Variants in USP13 observed in about 807,000 individuals in gnomAD.
The protein encoded by USP13 is ubiquitin carboxyl-terminal hydrolase 13.
In USP13, 68 loss-of-function variants were observed where a neutral mutation model predicts 107.8. The ratio of observed to expected loss-of-function variants is 0.63; its 90% CI spans 0.52 to 0.77. USP13 has a LOEUF of 0.77. Ranked by LOEUF, USP13 falls within the 30% of genes least tolerant of loss-of-function variation. The pLI, the probability that USP13 is intolerant of heterozygous loss-of-function variation, is 0.00. For missense variants in USP13, 945 were observed against 1,093.3 expected, an observed-to-expected ratio of 0.86 and a Z score of 1.91; for synonymous variants, 377 against 389.5, an observed-to-expected ratio of 0.97 and a Z score of 0.38.
At chr3:179,776,083 A>G (rs934844999) in intron 19 of USP13, among the ~76,000 whole-genome samples, 1 of 152,200 alleles carries the variant, frequency 6.6e-6, no homozygotes, top group African/African-American at 2.4e-5. Context: ...ACATTTCAAC[A>G]TGAGATTTGG....
At chr3:179,669,672 C>G (rs1210634827) in intron 1 of USP13, among the ~76,000 whole-genome samples, 1 of 152,060 alleles carries the variant, frequency 6.6e-6, no homozygotes, top group African/African-American at 2.4e-5. Flanking sequence ...TAGCCACTAG[C>G]CATCTTTGGC....
rs896800634 is a variant in USP13, at chr3:179,740,111, A to G, written c.1255-136A>G. 3.1e-5 allele frequency: 39 copies of G among 1,249,278 alleles called. No homozygotes were observed. In the East Asian group the frequency reaches 7.1e-4, roughly 23 times the overall value. 77.4% of individuals were successfully genotyped at this position (1,249,278 alleles called of 1,614,324 possible). ...AAACACCCAGCGAGTATTGGCCACT[A>G]TCATTATTTACCTTCTTTGGGCTGT... On this transcript the variant is annotated intron_variant, in intron 10 of 20. Coordinates refer to ENST00000263966, the MANE Select transcript of USP13 (RefSeq NM_003940.3).
At chr3:179,719,697 A>G (rs1576949982) in intron 6 of USP13, among the ~76,000 whole-genome samples, 1 of 152,220 alleles carries the variant, frequency 6.6e-6, no homozygotes, top group African/African-American at 2.4e-5. Flanking sequence ...TTCTTGTTTT[A>G]GAAAACTTAA....
chr3:179,669,487 A>AT (rs1720682559), intron 1 of USP13, among the ~76,000 whole-genome samples: 3 of 151,906 alleles, frequency 2.0e-5, no homozygotes, highest in Non-Finnish European at 2.9e-5. Context: ...AAATAAATAA[A>AT]AAAAATAATA....
intron 1 of USP13, among the ~76,000 whole-genome samples, chr3:179,674,643 C>T (rs571800257): frequency 2.0e-5 from 3 of 151,544 alleles, no homozygotes; most frequent in South Asian, 2.1e-4. Flanking sequence ...ATTCTTCTCT[C>T]GGGCCTGTAC....
chr3:179,773,878 T>C (rs1252508564), intron 19 of USP13, among the ~76,000 whole-genome samples: 1 of 152,220 alleles, frequency 6.6e-6, no homozygotes, highest in African/African-American at 2.4e-5. Flanking sequence ...TTTTTGTATC[T>C]TTACTAGATA....
intron 19 of USP13, among the ~76,000 whole-genome samples, chr3:179,774,562 G>A (rs568665009): frequency 6.7e-6 from 1 of 148,882 alleles, no homozygotes; most frequent in Non-Finnish European, 1.5e-5. Context: ...TCCTCCCTGT[G>A]GGTTTGTGGT....
chr3:179,688,059 T>G (rs1156937160), intron 2 of USP13, among the ~76,000 whole-genome samples: 1 of 147,672 alleles, frequency 6.8e-6, no homozygotes, highest in Non-Finnish European at 1.5e-5. Flanking sequence ...CTTACCTGTT[T>G]TACTCCCTGT....
At chr3:179,673,919 T>G (rs971783162) in intron 1 of USP13, among the ~76,000 whole-genome samples, 35 of 152,084 alleles carry the variant, frequency 2.3e-4, no homozygotes, top group Admixed American at 1.4e-3. Context: ...TGAGACGGAG[T>G]TTCGCTCTTG....
At chr3:179,757,616 T>A (rs1368085238) in intron 16 of USP13, among the ~76,000 whole-genome samples, 1 of 152,088 alleles carries the variant, frequency 6.6e-6, no homozygotes, top group Non-Finnish European at 1.5e-5. Context: ...ACAAAGAACA[T>A]AAAAAATAAA....
intron 1 of USP13, among the ~76,000 whole-genome samples, chr3:179,675,288 C>T (rs570698021): frequency 1.8e-4 from 28 of 151,756 alleles, no homozygotes; most frequent in Non-Finnish European, 3.7e-4. Flanking sequence ...TTTCTTGGAT[C>T]TATTTGGACT....
intron 1 of USP13, among the ~76,000 whole-genome samples, chr3:179,665,156 T>TA (rs1373531051): frequency 2.0e-4 from 31 of 152,190 alleles, no homozygotes; most frequent in Non-Finnish European, 1.5e-5. Flanking sequence ...AATACTGACT[T>TA]ATGGCTTCCT....
chr3:179,756,076 C>T (rs886364718), intron 15 of USP13, among the ~76,000 whole-genome samples: 7 of 152,244 alleles, frequency 4.6e-5, no homozygotes, highest in Admixed American at 1.3e-4. Flanking sequence ...ACTGCTCCAG[C>T]TCTCTCTGAT....
intron 1 of USP13, 102 bp from the exon 2 acceptor site, chr3:179,681,776 A>G: frequency 1.4e-6 from 2 of 1,460,836 alleles, no homozygotes; most frequent in South Asian, 1.4e-5. Context: ...GCCCTTTGCC[A>G]GGCCTCGTCT....
chr3:179,781,217 G>A (rs12494578), intron 19 of USP13, among the ~76,000 whole-genome samples: 7,066 of 152,250 alleles, frequency 0.046, 533 homozygotes, highest in African/African-American at 0.16. Context: ...CTTGCACAAA[G>A]CATTATCCTT....
Position 179,707,000 on chromosome 3 carries a change from T to C in USP13, c.544T>C (p.Trp182Arg), listed in dbSNP as rs141550831. 5.7e-4 allele frequency: 922 copies of C among 1,613,988 alleles called. 1 individual carries two copies. Among genetic ancestry groups the C allele is most frequent in the Non-Finnish European group, 7.5e-4 (885 of 1,180,026 alleles). Reference protein sequence around the residue: ...SPYRKQDPDTWENELPVSKYA... With the variant: ...SPYRKQDPDTRENELPVSKYA... The stretch of plus-strand genomic sequence containing the variant: ...ATACAGAAAGCAGGACCCAGACACG[T>C]GGGAAAATGAATTGCCAGTATCTAA... Residue 182 changes from tryptophan to arginine, a missense_variant, in exon 5 of 21, where the codon TGG (tryptophan) becomes CGG (arginine). Trp to Arg is a moderately radical substitution (Grantham distance 101). Coordinates refer to ENST00000263966, the MANE Select transcript of USP13 (RefSeq NM_003940.3).
chr3:179,782,531 C>T lies in USP13; in HGVS notation c.2498+708C>T, dbSNP rs117611234. On this transcript the variant is annotated intron_variant, in intron 20 of 20. Transcript: ENST00000263966. ...CCTACAGGACCTACTGGTGCCCTTC[C>T]TGCAACTCCAAACTGAGTAGCCTGT... Among the ~76,000 whole-genome samples the T allele has an allele frequency of 9.3e-4, 142 of 152,252 alleles. 1 individual carries two copies. In the East Asian group the frequency reaches 0.027, roughly 29 times the overall value.
intron 16 of USP13, 96 bp downstream of exon 16, chr3:179,757,174 C>T (rs993824906): frequency 2.5e-5 from 35 of 1,385,086 alleles, no homozygotes; most frequent in Middle Eastern, 1.8e-4. Context: ...TTGTTCTGTA[C>T]GTGTGTGTGT....
At chr3:179,757,261 G>A in intron 16 of USP13, 183 bp downstream of exon 16, 1 of 618,302 alleles carries the variant, frequency 1.6e-6, no homozygotes. Flanking sequence ...TGGGGCTCAG[G>A]AGAGTGACCA....
Sources: gnomAD v4.1 joint callset for allele counts (sites outside exome capture counted in the v4.1 genomes callset) on GRCh38, gnomAD v4.1.1 for gene constraint, MANE v1.5 for transcripts, NCBI Gene and HGNC (gene_info 2026-07-23, HGNC 2026-07-21) for gene names.